The following PRPF8 variants were observed in gnomAD, a reference collection of about 807,000 sequenced individuals.
PRPF8 encodes the protein pre-mRNA processing factor 8, also known as pre-mRNA-processing-splicing factor 8.
Under a neutral mutation model 285.9 loss-of-function variants are expected in PRPF8, and 64 were observed. The ratio of observed to expected loss-of-function variants is 0.22; its 90% CI spans 0.18 to 0.28. The LOEUF (loss-of-function observed/expected upper bound fraction) is 0.28. PRPF8 is among the 10% of genes least tolerant of loss of function. The pLI is 1.00. For missense variants in PRPF8, 1,426 were observed against 3,026.7 expected (o/e 0.47, Z 12.41); for synonymous variants, 1,325 against 1,118.2 (o/e 1.18, Z -3.69).
intron 24 of PRPF8, among the ~76,000 whole-genome samples, chr17:1,667,370 G>A (rs1912050352): frequency 6.6e-6 from 1 of 152,166 alleles, no homozygotes; most frequent in Non-Finnish European, 1.5e-5. Context: ...GAGGAGCCCA[G>A]TGTTCCTTTA....
rs562399370 is a variant in PRPF8, at chr17:1,654,281, C to T, written c.5988-265G>A. ...CTACGCTTCCTTGACCAAAACAATG[C>T]TCTGGCATGGAACTGTTCTCAGAAA... On this transcript the variant is annotated intron_variant, in intron 37 of 42. Transcript: ENST00000304992. The T allele has an allele frequency of 3.9e-5, 23 of 597,182 alleles. No individual in the cohort carries two copies. The South Asian group carries it at 4.1e-4, about 11-fold the overall frequency. The allele number at this position is 597,182 out of a possible 1,614,324, so 37.0% of individuals were successfully genotyped here. A position where few individuals can be genotyped will look rare whatever the true frequency, so the allele number is the denominator to read the frequency against.
Position 1,684,863 on chromosome 17 carries a change from G to A in PRPF8, c.-95C>T. On this transcript the variant is annotated 5_prime_UTR_variant, in exon 1 of 43. Transcript: ENST00000304992. Reference sequence around the variant, plus strand: ...GTCCGCTCCGCGTTCCCAGCGCCGGGAAGTGCGCAACCCGAGTTCAGCAGT... The same window carrying A: ...GTCCGCTCCGCGTTCCCAGCGCCGGAAAGTGCGCAACCCGAGTTCAGCAGT... 1 of 596,816 alleles carries A rather than the reference G, an allele frequency of 1.7e-6. No individual in the cohort carries two copies. Among genetic ancestry groups the A allele is most frequent in the South Asian group, 2.0e-5 (1 of 50,242 alleles). The allele number at this position is 596,816 out of a possible 1,614,324, so 37.0% of individuals were successfully genotyped here.
At position 1,660,711 on chromosome 17, in the gene PRPF8, A is replaced by T; in HGVS notation, c.4625T>A (p.Ile1542Asn). The change falls in exon 29 of 43, where the codon ATT becomes AAT. Residue 1542 changes from isoleucine to asparagine, a missense_variant. By Grantham distance (149) the Ile-to-Asn change is moderately radical. This residue lies in a region of PRPF8 where 15 missense variants were observed against 63.7 expected (regional missense o/e 0.24). Transcript: ENST00000304992. The part of the protein sequence containing the change: ...RRFTLWWSPT[I>N]NRANVYVGFQ... ...AATCACACTCACATTGGCTCGATTA[A>T]TGGTCGGGGACCACCAGAGGGTGAA... 6.2e-7 allele frequency: 1 copy of T among 1,614,106 alleles called. No homozygotes were observed. The highest frequency in any genetic ancestry group is 8.5e-7 in the Non-Finnish European group (1 of 1,180,038).
intron 24 of PRPF8, among the ~76,000 whole-genome samples, chr17:1,669,765 T>A (rs1420110000): frequency 6.6e-6 from 1 of 152,136 alleles, no homozygotes; most frequent in Non-Finnish European, 1.5e-5. Flanking sequence ...TCTGGACACG[T>A]GTTCCTGAAG....
At position 1,679,606 on chromosome 17, in the gene PRPF8, T is replaced by C; in HGVS notation, c.1289+3A>G. On this transcript the variant is annotated splice_donor_region_variant and intron_variant, in intron 9 of 42. Transcript: ENST00000304992. The surrounding 1 kb of genome is among the most constrained non-coding windows in gnomAD (Gnocchi z 4.7). ...TTCCCCCTGCCACAGGGAAAAACCTTACCAGTTCTTGACAAGGGGTATGTC... is the reference window on the plus strand; with the variant it reads ...TTCCCCCTGCCACAGGGAAAAACCTCACCAGTTCTTGACAAGGGGTATGTC... The C allele has an allele frequency of 6.2e-7, 1 of 1,613,208 alleles. No individual in the cohort carries two copies. Among genetic ancestry groups the C allele is most frequent in the South Asian group, 1.1e-5 (1 of 91,038 alleles).
rs1912749197 is a variant in PRPF8 at position 1,678,771 on chromosome 17, A to G, written c.1710T>C (p.Asp570=). The change falls in exon 12 of 43, where the codon GAT becomes GAC. Residue 570 remains aspartate, a synonymous_variant. Coordinates refer to ENST00000304992, the MANE Select transcript of PRPF8 (RefSeq NM_006445.4). ...GAATACCTAACCTTACCTGGAAGGC[A>G]TCCACATTGCCCAGCCGATACTGCA... ...SHVQYRLGNV[D]AFQLADGLQY... 1.2e-6 allele frequency: 2 copies of G among 1,614,034 alleles called. No homozygotes were observed. Among genetic ancestry groups the G allele is most frequent in the Admixed American group, 1.7e-5 (1 of 60,030 alleles).
At chr17:1,656,900 C>G (rs557387520) in intron 34 of PRPF8, 139 bp from the exon 35 acceptor site, 10 of 822,294 alleles carry the variant, frequency 1.2e-5, no homozygotes, top group Admixed American at 1.2e-4. Flanking sequence ...TTAGAAGGTA[C>G]AAAGAGTATC....
chr17:1,655,225 TG>T, intron 37 of PRPF8, 124 bp downstream of exon 37: 2 of 1,078,134 alleles, frequency 1.9e-6, no homozygotes, highest in African/African-American at 1.6e-5. Flanking sequence ...CCCAAAGTGC[TG>T]GGATTACAGG....
chr17:1,680,509 G>C (rs1824713238), intron 8 of PRPF8: 2 of 618,542 alleles, frequency 3.2e-6, no homozygotes, highest in East Asian at 5.6e-5. Flanking sequence ...CCCAAGAAAA[G>C]AACCGTAAAG....
chr17:1,660,703 C>T lies in PRPF8; in HGVS notation c.4633G>A (p.Ala1545Thr). ...TLWWSPTINR[A>T]NVYVGFQVQL... The stretch of plus-strand genomic sequence containing the variant: ...CCAGTGTCAATCACACTCACATTGG[C>T]TCGATTAATGGTCGGGGACCACCAG... The change falls in exon 29 of 43, where the codon GCC (alanine) becomes ACC (threonine). Residue 1545 changes from alanine (A) to threonine (T), a missense_variant. Ala to Thr is a moderately conservative substitution (Grantham distance 58). Transcript: ENST00000304992. The T allele has an allele frequency of 6.2e-7, 1 of 1,614,158 alleles. No individual in the cohort carries two copies. Among genetic ancestry groups the T allele is most frequent in the Non-Finnish European group, 8.5e-7 (1 of 1,180,040 alleles).
rs1352321225 is a variant in PRPF8, at chr17:1,651,256, G to A, written c.6705C>T (p.Tyr2235=). 4 of 1,613,970 alleles carry A rather than the reference G, an allele frequency of 2.5e-6. No homozygotes were observed. The highest frequency in any genetic ancestry group is 2.2e-5 in the East Asian group (1 of 44,896). ...LTAYKLTPSG[Y]EWGRQNTDKG... ...TGTCTGTGTTCTGGCGGCCCCATTC[G>A]TAGCCACTGGGGGTCAGCTTGTAGG... is the stretch of plus-strand genomic sequence containing the variant. Residue 2235 remains tyrosine (Y), a synonymous_variant, in exon 42 of 43, where the codon TAC becomes TAT. Transcript: ENST00000304992. This position sits in a 1 kb window ranked among gnomAD's most constrained non-coding sequence, Gnocchi z 5.1.
At chr17:1,662,719 T>TA (rs1317919348) in intron 24 of PRPF8, among the ~76,000 whole-genome samples, 2 of 150,616 alleles carry the variant, frequency 1.3e-5, no homozygotes. Context: ...CTGGCCAACA[T>TA]GAAACCGTCT....
In PRPF8 at chr17:1,650,702, C is replaced by A. The variant is rs775319123; in HGVS notation, c.*100G>T. On this transcript the variant is annotated 3_prime_UTR_variant, in exon 43 of 43. Coordinates refer to ENST00000304992, the MANE Select transcript of PRPF8 (RefSeq NM_006445.4). ...CATCAGGAGGTCAACAACACAAGCA[C>A]AGACAGAGGGAAAGAGGCCAAACTG... The A allele has an allele frequency of 7.1e-7, 1 of 1,409,266 alleles. No individual in the cohort carries two copies. The highest frequency in any genetic ancestry group is 1.2e-5 in the South Asian group (1 of 86,754). 87.3% of individuals were successfully genotyped at this position (1,409,266 alleles called of 1,614,324 possible). A position where few individuals can be genotyped will look rare whatever the true frequency, so the allele number is the denominator to read the frequency against.
rs1052641043 is a variant in PRPF8, at chr17:1,656,683, T to C, written c.5584A>G (p.Ile1862Val). The C allele has an allele frequency of 2.5e-6, 4 of 1,614,018 alleles. No homozygotes were observed. In the African/African-American group the frequency reaches 4.0e-5, roughly 16 times the overall value. The change falls in exon 35 of 43, where the codon ATT becomes GTT. Residue 1862 changes from isoleucine (I) to valine (V), a missense_variant. Ile to Val is a conservative substitution (Grantham distance 29). Coordinates refer to ENST00000304992, the MANE Select transcript of PRPF8 (RefSeq NM_006445.4). ...TCCAGCATGCCCTTCCTGGTGACAA[T>C]GATCTGCTTGGGCTGCTCCTCCACA... is the stretch of plus-strand genomic sequence containing the variant. ...LPVEEQPKQI[I>V]VTRKGMLDPL...
chr17:1,660,779 A>T lies in PRPF8; in HGVS notation c.4557T>A (p.Thr1519=). The change falls in exon 29 of 43, where the codon ACT becomes ACA. Residue 1519 remains threonine (T), a synonymous_variant. Coordinates refer to ENST00000304992, the MANE Select transcript of PRPF8 (RefSeq NM_006445.4). ...FEESMKWKKL[T]NAQRSGLNQI... Reference sequence around the variant, plus strand: ...GGTTCAGTCCTGATCGCTGAGCATTAGTTAGCTTCTTCCACTTCATAGATT... The same window carrying T: ...GGTTCAGTCCTGATCGCTGAGCATTTGTTAGCTTCTTCCACTTCATAGATT... The T allele has an allele frequency of 1.9e-6, 3 of 1,613,922 alleles. No homozygotes were observed. The highest frequency in any genetic ancestry group is 2.5e-6 in the Non-Finnish European group (3 of 1,180,030).
At chr17:1,677,354 G>GA in intron 14 of PRPF8, 182 bp from the exon 15 acceptor site, 1 of 959,640 alleles carries the variant, frequency 1.0e-6, no homozygotes, top group Admixed American at 2.1e-5. Context: ...TGCTTCTGAG[G>GA]AATTTCCACT....
intron 5 of PRPF8, 62 bp downstream of exon 5, chr17:1,681,758 C>A: frequency 6.2e-7 from 1 of 1,610,268 alleles, no homozygotes; most frequent in Admixed American, 1.7e-5. Context: ...TACTGATCTC[C>A]CAGGACTCCT....
At position 1,659,578 on chromosome 17, in the gene PRPF8, GAAACC is replaced by G. The variant is rs149754453; in HGVS notation, c.4947-35_4947-31del. 20,468 of 1,612,578 alleles carry G rather than the reference GAAACC, an allele frequency of 0.013. 2,258 individuals carry two copies. In the African/African-American group the frequency reaches 0.24, roughly 19 times the overall value. On this transcript the variant is annotated intron_variant, in intron 31 of 42. Coordinates refer to ENST00000304992, the MANE Select transcript of PRPF8 (RefSeq NM_006445.4). This position sits in a 1 kb window ranked among gnomAD's most constrained non-coding sequence, Gnocchi z 5.1. ...GGATGAAGAGGGTTCAAGCTTCTAA[GAAACC>G]ATGGGCATAACCAATGTCCCCAGAA...
intron 24 of PRPF8, among the ~76,000 whole-genome samples, chr17:1,665,884 G>A (rs1051073669): frequency 1.1e-4 from 17 of 150,534 alleles, no homozygotes; most frequent in Non-Finnish European, 2.4e-4. Context: ...GTCCAGGCCA[G>A]GTGCGGTGGC....
Sources: gnomAD v4.1 joint callset for allele counts (sites outside exome capture counted in the v4.1 genomes callset) on GRCh38, gnomAD v4.1.1 for gene constraint, gnomAD v4.1.1 regional missense constraint, Gnocchi (gnomAD v3.1) non-coding constraint, MANE v1.5 for transcripts, NCBI Gene and HGNC (gene_info 2026-07-23, HGNC 2026-07-21) for gene names.